FOLH1: variants seen among roughly 807,000 people sequenced by gnomAD.
FOLH1 encodes folate hydrolase 1.
FOLH1 carries 54 observed loss-of-function variants against 93.9 expected under a neutral mutation model. That is an observed-to-expected ratio of 0.57 (90% CI 0.46 to 0.72). The LOEUF is 0.72. FOLH1 is among the 30% of genes least tolerant of loss of function. The pLI is 0.00. For synonymous variants in FOLH1, 249 were observed against 303.6 expected (o/e 0.82, Z 1.87); for missense variants, 571 against 892.5 (o/e 0.64, Z 4.59).
chr11:49,167,539 G>A (rs202670), intron 12 of FOLH1, among the ~76,000 whole-genome samples: 50,654 of 152,042 alleles, frequency 0.33, 10,077 homozygotes, highest in African/African-American at 0.56. Flanking sequence ...GGAAGGTTGG[G>A]AGCTGTGGCT....
At chr11:49,153,774 C>A in intron 17 of FOLH1, 72 bp downstream of exon 17, 2 of 1,016,936 alleles carry the variant, frequency 2.0e-6, no homozygotes, top group Non-Finnish European at 2.7e-6. Context: ...CAGCAACAGT[C>A]ATGTTAGTTT....
intron 12 of FOLH1, among the ~76,000 whole-genome samples, chr11:49,166,763 T>A (rs1377931907): frequency 6.6e-6 from 1 of 152,226 alleles, no homozygotes; most frequent in Non-Finnish European, 1.5e-5. Context: ...GTCCCAATCA[T>A]ATAGTACCTC....
At chr11:49,192,566 T>C (rs1299921619) in intron 4 of FOLH1, among the ~76,000 whole-genome samples, 1 of 152,200 alleles carries the variant, frequency 6.6e-6, no homozygotes, top group Non-Finnish European at 1.5e-5. Context: ...TAAATGTGCA[T>C]TTGGGATTTG....
chr11:49,185,929 T>C lies in FOLH1; in HGVS notation c.640-74A>G, dbSNP rs370203043. ...GATTCGGTAATATCAATTTTCAATA[T>C]TACACTTAAATGAGTACCAGAACTT... On this transcript the variant is annotated intron_variant, in intron 5 of 18. Transcript: ENST00000256999. 20 of 1,473,114 alleles carry C rather than the reference T, an allele frequency of 1.4e-5. No homozygotes were observed. In the African/African-American group the frequency reaches 2.9e-4, roughly 21 times the overall value. The allele number at this position is 1,473,114 out of a possible 1,614,324, so 91.3% of individuals were successfully genotyped here.
chr11:49,165,762 G>A (rs1230800644), intron 12 of FOLH1, among the ~76,000 whole-genome samples: 1 of 152,136 alleles, frequency 6.6e-6, no homozygotes, highest in Non-Finnish European at 1.5e-5. Flanking sequence ...CAAAAGTTGA[G>A]GCTTTTAAAA....
intron 4 of FOLH1, 124 bp downstream of exon 4, chr11:49,192,669 A>G: frequency 1.6e-6 from 1 of 613,216 alleles, no homozygotes. Flanking sequence ...CTCATTACTT[A>G]AATGTGGAAA....
At chr11:49,176,056 T>C in intron 7 of FOLH1, 99 bp from the exon 8 acceptor site, 1 of 1,070,084 alleles carries the variant, frequency 9.3e-7, no homozygotes, top group Non-Finnish European at 1.4e-6. Context: ...GCTCATAATA[T>C]CTTTAATGAG....
At chr11:49,204,675 T>C (rs1392399966) in intron 2 of FOLH1, among the ~76,000 whole-genome samples, 1 of 152,194 alleles carries the variant, frequency 6.6e-6, no homozygotes, top group East Asian at 1.9e-4. Context: ...TATCAATTTG[T>C]ATTTATACTT....
At chr11:49,175,485 G>T (rs559877485) in intron 8 of FOLH1, among the ~76,000 whole-genome samples, 9 of 152,136 alleles carry the variant, frequency 5.9e-5, no homozygotes, top group Non-Finnish European at 1.0e-4. Flanking sequence ...TCTTCCTTCT[G>T]CAGGAGCTTC....
chr11:49,199,477 G>A (rs187967001), intron 3 of FOLH1, among the ~76,000 whole-genome samples: 1 of 152,054 alleles, frequency 6.6e-6, no homozygotes, highest in Non-Finnish European at 1.5e-5. Context: ...CAAATTCTTC[G>A]CACAGAGTTC....
chr11:49,153,774 C>T (rs1333267621), intron 17 of FOLH1, 72 bp downstream of exon 17: 3 of 1,016,818 alleles, frequency 3.0e-6, no homozygotes, highest in Non-Finnish European at 2.7e-6. Flanking sequence ...CAGCAACAGT[C>T]ATGTTAGTTT....
chr11:49,197,667 G>A (rs1190319416), intron 3 of FOLH1, among the ~76,000 whole-genome samples: 3 of 152,018 alleles, frequency 2.0e-5, no homozygotes, highest in Non-Finnish European at 4.4e-5. Flanking sequence ...TTACCACATA[G>A]CTCAGCTGTG....
intron 4 of FOLH1, 180 bp downstream of exon 4, chr11:49,192,613 C>A: frequency 2.6e-6 from 1 of 388,384 alleles, no homozygotes; most frequent in South Asian, 5.8e-5. Context: ...TTTAAAAATA[C>A]CATTAATAAA....
intron 7 of FOLH1, among the ~76,000 whole-genome samples, chr11:49,179,067 A>G (rs1860425049): frequency 6.6e-6 from 1 of 152,270 alleles, no homozygotes; most frequent in Admixed American, 6.5e-5. Context: ...TTTGGACAAA[A>G]GAAAGCTTGA....
intron 7 of FOLH1, among the ~76,000 whole-genome samples, chr11:49,180,709 C>T (rs1860623393): frequency 1.3e-5 from 2 of 152,182 alleles, no homozygotes; most frequent in South Asian, 4.1e-4. Flanking sequence ...CAGTGAAATT[C>T]ATAAACAAAC....
chr11:49,159,835 A>C (rs534485857), intron 13 of FOLH1, among the ~76,000 whole-genome samples: 1 of 151,118 alleles, frequency 6.6e-6, no homozygotes, highest in South Asian at 2.1e-4. Flanking sequence ...CAGGGATTCA[A>C]TTTCTTTCTG....
intron 7 of FOLH1, among the ~76,000 whole-genome samples, chr11:49,177,390 A>G (rs765909294): frequency 3.9e-5 from 6 of 152,138 alleles, no homozygotes; most frequent in Admixed American, 1.3e-4. Flanking sequence ...GCAGAGTATT[A>G]AATAAACAGA....
intron 18 of FOLH1, 85 bp downstream of exon 18, chr11:49,148,554 C>T: frequency 9.8e-7 from 1 of 1,019,188 alleles, no homozygotes; most frequent in Non-Finnish European, 1.4e-6. Flanking sequence ...AAATCAACTA[C>T]AATATTTTTT....
At chr11:49,162,287 A>T (rs2134984907) in intron 13 of FOLH1, among the ~76,000 whole-genome samples, 1 of 150,034 alleles carries the variant, frequency 6.7e-6, no homozygotes, top group Non-Finnish European at 1.5e-5. Context: ...CAGTCTCTTC[A>T]CATAATCACA....
Sources: gnomAD v4.1 joint callset for allele counts (sites outside exome capture counted in the v4.1 genomes callset) on GRCh38, gnomAD v4.1.1 for gene constraint, MANE v1.5 for transcripts, NCBI Gene and HGNC (gene_info 2026-07-23, HGNC 2026-07-21) for gene names.